Variants in PLG observed in about 807,000 individuals in gnomAD.
PLG encodes plasminogen.
PLG carries 41 observed loss-of-function variants against 104.4 expected under a neutral mutation model. The ratio of observed to expected loss-of-function variants is 0.39; its 90% CI spans 0.31 to 0.51. PLG has a LOEUF of 0.51. PLG is among the 20% of genes least tolerant of loss of function. The pLI, the probability that PLG is intolerant of heterozygous loss-of-function variation, is 0.76. For synonymous variants in PLG, 337 were observed against 357.1 expected, an observed-to-expected ratio of 0.94 and a Z score of 0.63; for missense variants, 891 against 1,003.6, an observed-to-expected ratio of 0.89 and a Z score of 1.52.
At chr6:160,715,190 C>G (rs1213359001) in intron 6 of PLG, among the ~76,000 whole-genome samples, 1 of 152,216 alleles carries the variant, frequency 6.6e-6, no homozygotes, top group East Asian at 1.9e-4. Flanking sequence ...ATAACCAGAT[C>G]CTCAGCTGAT....
At chr6:160,714,151 A>C (rs930276904) in intron 5 of PLG, among the ~76,000 whole-genome samples, 2 of 152,122 alleles carry the variant, frequency 1.3e-5, no homozygotes, top group African/African-American at 4.8e-5. Flanking sequence ...GTCACATATT[A>C]CTCTGCCTCA....
intron 17 of PLG, among the ~76,000 whole-genome samples, chr6:160,749,465 C>T (rs1172132536): frequency 7.0e-6 from 1 of 142,528 alleles, no homozygotes; most frequent in Non-Finnish European, 1.5e-5. Flanking sequence ...TCACCATTAA[C>T]ATTACCATCA....
At position 160,736,129 on chromosome 6, in the gene PLG, C is replaced by T. The variant is rs1033677596; in HGVS notation, c.1682-758C>T. 2.6e-5 allele frequency among the ~76,000 whole-genome samples: 4 copies of T among 152,196 alleles called. No individual in the cohort carries two copies. The highest frequency in any genetic ancestry group is 5.9e-5 in the Non-Finnish European group (4 of 68,024). ...CAACAGAGAAGCATTTTTGAATACC[C>T]TCTGCAGCCCCTGCACTGTTGTAGG... On this transcript the variant is annotated intron_variant, in intron 13 of 18. Coordinates refer to ENST00000308192, the MANE Select transcript of PLG (RefSeq NM_000301.5). The surrounding 1 kb of genome is among the most constrained non-coding windows in gnomAD (Gnocchi z 5.2).
chr6:160,743,845 G>T (rs1462772802), intron 17 of PLG, among the ~76,000 whole-genome samples: 2 of 152,082 alleles, frequency 1.3e-5, no homozygotes, highest in African/African-American at 4.8e-5. Flanking sequence ...TCAGTACCTA[G>T]TTTATTGAGA....
At chr6:160,708,132 T>C in intron 3 of PLG, 1 of 256,076 alleles carries the variant, frequency 3.9e-6, no homozygotes, top group South Asian at 4.6e-5. Flanking sequence ...AAGCATTCCT[T>C]TTGGTCTTGG....
At chr6:160,706,742 C>T (rs1284725135) in intron 2 of PLG, 200 bp downstream of exon 2, 1 of 614,006 alleles carries the variant, frequency 1.6e-6, no homozygotes, top group Non-Finnish European at 2.9e-6. Flanking sequence ...AAAATACCCT[C>T]AAAGGAAGTT....
chr6:160,717,238 GA>G (rs1777751121), intron 7 of PLG, among the ~76,000 whole-genome samples: 1 of 152,186 alleles, frequency 6.6e-6, no homozygotes, highest in African/African-American at 2.4e-5. Flanking sequence ...TTCAAGAGGA[GA>G]AGATGAAATG....
rs1778125730 is a variant in PLG, at chr6:160,738,473, T to C, written c.1803-65T>C. 5.0e-6 allele frequency: 5 copies of C among 992,326 alleles called. No homozygotes were observed. Among genetic ancestry groups the C allele is most frequent in the Non-Finnish European group, 8.2e-6 (5 of 612,018 alleles). The allele number at this position is 992,326 out of a possible 1,614,324, so 61.5% of individuals were successfully genotyped here. ...ATTAAGTGAACGTGTCTTTCTGGCT[T>C]TCTGTACAATGGAGCAGAACAAAGT... On this transcript the variant is annotated intron_variant, in intron 14 of 18. Coordinates refer to ENST00000308192, the MANE Select transcript of PLG (RefSeq NM_000301.5). This position sits in a 1 kb window ranked among gnomAD's most constrained non-coding sequence, Gnocchi z 6.8.
In PLG at chr6:160,718,775, G is replaced by T; in HGVS notation, c.1033G>T (p.Glu345Ter). The T allele has an allele frequency of 6.2e-7, 1 of 1,613,654 alleles. No individual in the cohort carries two copies. The highest frequency in any genetic ancestry group is 8.5e-7 in the Non-Finnish European group (1 of 1,179,622). Reference sequence around the variant, plus strand: ...TACAACCAACAGCCAAGTGCGGTGGGAGTACTGTAAGATACCGTCCTGTGA... The same window carrying T: ...TACAACCAACAGCCAAGTGCGGTGGTAGTACTGTAAGATACCGTCCTGTGA... ...CHTTNSQVRW[E>*]YCKIPSCDSS... The change falls in exon 9 of 19, where the codon GAG becomes TAG. Residue 345 changes from glutamate (E) to a stop codon, truncating the protein, a stop_gained. Transcript: ENST00000308192. LOFTEE classifies it high-confidence loss of function.
At chr6:160,706,741 T>C (rs1777535795) in intron 2 of PLG, 199 bp downstream of exon 2, 1 of 614,232 alleles carries the variant, frequency 1.6e-6, no homozygotes, top group Admixed American at 3.0e-5. Flanking sequence ...AAAAATACCC[T>C]CAAAGGAAGT....
Position 160,740,942 on chromosome 6 carries a change from A to G in PLG, c.2019-369A>G, listed in dbSNP as rs1235875673. ...AGCCTCTTGGTGGCATCTCAGTCAG[A>G]CATTCCATGCACTGATCAATGCCCT... On this transcript the variant is annotated intron_variant, in intron 16 of 18. Coordinates refer to ENST00000308192, the MANE Select transcript of PLG (RefSeq NM_000301.5). The surrounding 1 kb of genome is among the most constrained non-coding windows in gnomAD (Gnocchi z 5.2). 6.6e-6 allele frequency among the ~76,000 whole-genome samples: 1 copy of G among 152,082 alleles called. No individual in the cohort carries two copies. The highest frequency in any genetic ancestry group is 1.5e-5 in the Non-Finnish European group (1 of 68,038).
chr6:160,711,071 C>G lies in PLG; in HGVS notation c.293-6C>G. The stretch of plus-strand genomic sequence containing the variant: ...GACTTTGACCACTGTGTGGACTTCC[C>G]TTCAGTGTATCTCTCAGAGTGCAAG... On this transcript the variant is annotated splice_polypyrimidine_tract_variant and splice_region_variant and intron_variant, in intron 3 of 18. Coordinates refer to ENST00000308192, the MANE Select transcript of PLG (RefSeq NM_000301.5). The G allele has an allele frequency of 6.2e-7, 1 of 1,613,074 alleles. No homozygotes were observed. The highest frequency in any genetic ancestry group is 8.5e-7 in the Non-Finnish European group (1 of 1,179,124).
intron 12 of PLG, 79 bp from the exon 13 acceptor site, chr6:160,733,916 T>C: frequency 5.3e-6 from 4 of 752,256 alleles, no homozygotes; most frequent in Admixed American, 3.5e-5. Flanking sequence ...AGGATAGACA[T>C]GAAATGCGTG....
chr6:160,728,039 C>T (rs189554646), intron 10 of PLG, among the ~76,000 whole-genome samples: 1 of 151,960 alleles, frequency 6.6e-6, no homozygotes, highest in East Asian at 1.9e-4. Context: ...TCACAGAAAG[C>T]TTAATTAACG....
chr6:160,717,937 G>C (rs1777766963), intron 7 of PLG, among the ~76,000 whole-genome samples: 1 of 152,152 alleles, frequency 6.6e-6, no homozygotes, highest in Non-Finnish European at 1.5e-5. Flanking sequence ...ACATCCATCT[G>C]TGCATTCTCT....
intron 1 of PLG, chr6:160,706,109 C>T (rs547871885): frequency 2.2e-4 from 89 of 408,160 alleles, no homozygotes; most frequent in Admixed American, 6.2e-4. Context: ...ATGATCCCAT[C>T]ACCCAGGTAG....
intron 4 of PLG, chr6:160,711,474 T>C: frequency 9.0e-7 from 1 of 1,112,942 alleles, no homozygotes. Flanking sequence ...GTCTTTTCCA[T>C]CCACAGTTGG....
Position 160,707,740 on chromosome 6 carries a change from A to T in PLG, c.226A>T (p.Met76Leu), listed in dbSNP as rs770768604. Residue 76 changes from methionine (M) to leucine (L), a missense_variant, in exon 3 of 19, where the codon ATG (methionine) becomes TTG (leucine). Physicochemically the swap from Met to Leu is conservative, Grantham distance 15. Transcript: ENST00000308192. ...YHSKEQQCVIMAENRKSSIII... is the reference protein window; with the variant it reads ...YHSKEQQCVILAENRKSSIII... ...CAGTAAAGAGCAACAATGTGTGATA[A>T]TGGCTGAAAACAGGAAGTCCTCCAT... 24 of 1,611,418 alleles carry T rather than the reference A, an allele frequency of 1.5e-5. No homozygotes were observed. The East Asian group carries it at 4.9e-4, about 33-fold the overall frequency.
Position 160,713,062 on chromosome 6 carries a change from C to A in PLG, c.484C>A (p.Pro162Thr), listed in dbSNP as rs751081547. 3 of 1,607,734 alleles carry A rather than the reference C, an allele frequency of 1.9e-6. No homozygotes were observed. The highest frequency in any genetic ancestry group is 1.3e-5 in the African/African-American group (1 of 74,732). Residue 162 changes from proline to threonine, a missense_variant, in exon 5 of 19, where the codon CCC becomes ACC. Pro to Thr is a conservative substitution (Grantham distance 38). Coordinates refer to ENST00000308192, the MANE Select transcript of PLG (RefSeq NM_000301.5). ...CRNPDNDPQG[P>T]WCYTTDPEKR... Reference sequence around the variant, plus strand: ...GAATCCAGACAACGATCCGCAGGGGCCCTGGTGCTATACTACTGATCCAGA... The same window carrying A: ...GAATCCAGACAACGATCCGCAGGGGACCTGGTGCTATACTACTGATCCAGA...
Sources: allele counts gnomAD v4.1 joint callset (sites outside exome capture counted in the v4.1 genomes callset), GRCh38; gene constraint gnomAD v4.1.1; non-coding constraint Gnocchi (gnomAD v3.1); transcripts MANE v1.5; gene names NCBI Gene and HGNC (gene_info 2026-07-23, HGNC 2026-07-21).